GK5: variants seen among roughly 807,000 people sequenced by gnomAD.
GK5 encodes ATP:glycerol 3-phosphotransferase 5.
In GK5, 39 loss-of-function variants were observed where a neutral mutation model predicts 77.3. The ratio of observed to expected loss-of-function variants is 0.50; its 90% confidence interval spans 0.39 to 0.66. GK5 has a LOEUF of 0.66. Among genes scored for constraint, GK5 ranks in the 30% least tolerant of loss-of-function variants. The probability of loss-of-function intolerance (pLI) is 0.00; values close to 1 mark genes in which losing one functional copy is unlikely to be tolerated. For synonymous variants in GK5, 211 were observed against 208.0 expected (o/e 1.01, Z -0.13); for missense variants, 487 against 633.8 (o/e 0.77, Z 2.49).
At chr3:142,216,017 T>C (rs752575944) in intron 1 of GK5, among the ~76,000 whole-genome samples, 6 of 152,146 alleles carry the variant, frequency 3.9e-5, no homozygotes, top group Non-Finnish European at 7.4e-5. Flanking sequence ...AAAAGTGAAT[T>C]CCAGTTCAGA....
intron 1 of GK5, among the ~76,000 whole-genome samples, chr3:142,217,454 C>G (rs2064288845): frequency 6.6e-6 from 1 of 151,702 alleles, no homozygotes; most frequent in Non-Finnish European, 1.5e-5. Flanking sequence ...TGAAGATAGA[C>G]CAATAGAAAT....
chr3:142,170,567 C>A, intron 14 of GK5, 109 bp from the exon 15 acceptor site: 2 of 882,078 alleles, frequency 2.3e-6, no homozygotes, highest in Non-Finnish European at 3.4e-6. Context: ...ATAAATTTTA[C>A]TTTTTAATTC....
chr3:142,170,183 G>A, intron 15 of GK5, 142 bp downstream of exon 15: 1 of 850,504 alleles, frequency 1.2e-6, no homozygotes, highest in Non-Finnish European at 2.0e-6. Flanking sequence ...GATATTTTGT[G>A]AGTAATATGC....
intron 5 of GK5, among the ~76,000 whole-genome samples, chr3:142,193,283 T>C (rs953646932): frequency 3.9e-5 from 6 of 152,140 alleles, no homozygotes; most frequent in Non-Finnish European, 8.8e-5. Flanking sequence ...AACAAAGGAC[T>C]GAGGTACTTC....
At chr3:142,187,624 A>T in intron 6 of GK5, 80 bp downstream of exon 6, 3 of 1,006,900 alleles carry the variant, frequency 3.0e-6, no homozygotes, top group Non-Finnish European at 4.5e-6. Flanking sequence ...AAAAAAAAGT[A>T]ACTTCTACTT....
intron 3 of GK5, among the ~76,000 whole-genome samples, chr3:142,212,859 G>T (rs1463347179): frequency 1.0e-4 from 2 of 19,874 alleles, no homozygotes; most frequent in Non-Finnish European, 2.0e-4. Flanking sequence ...TTTTTGAGAC[G>T]GAGTCTCGCT....
chr3:142,169,728 G>C (rs988034121), intron 15 of GK5, among the ~76,000 whole-genome samples: 2 of 143,820 alleles, frequency 1.4e-5, no homozygotes, highest in African/African-American at 2.6e-5. Flanking sequence ...ATGGAATGCA[G>C]TGGCACCATC....
intron 3 of GK5, among the ~76,000 whole-genome samples, chr3:142,211,756 T>C (rs965139975): frequency 1.3e-5 from 2 of 152,208 alleles, no homozygotes; most frequent in Non-Finnish European, 2.9e-5. Flanking sequence ...ATCGTGCCAC[T>C]GCACTCCAGC....
chr3:142,164,620 G>C lies in GK5; in HGVS notation c.*1002C>G, dbSNP rs1350726562. ...AGCTGTCCCCCACACATACTCACAG[G>C]GATGAGTAGACTGAACAAACATCAA... On this transcript the variant is annotated 3_prime_UTR_variant, in exon 16 of 16. Coordinates refer to ENST00000392993, the MANE Select transcript of GK5 (RefSeq NM_001039547.3). The C allele has an allele frequency of 2.6e-5, 4 of 152,068 alleles. No homozygotes were observed. The highest frequency in any genetic ancestry group is 5.9e-5 in the Non-Finnish European group (4 of 68,024). The allele number at this position is 152,068 out of a possible 1,614,324, so 9.4% of individuals were successfully genotyped here.
Position 142,160,440 on chromosome 3 carries a change from C to A in GK5, c.*5182G>T, listed in dbSNP as rs2063417367. 6.6e-6 allele frequency: 1 copy of A among 152,148 alleles called. No individual in the cohort carries two copies. Among genetic ancestry groups the A allele is most frequent in the Admixed American group, 6.5e-5 (1 of 15,272 alleles). The allele number at this position is 152,148 out of a possible 1,614,324, so 9.4% of individuals were successfully genotyped here. A position where few individuals can be genotyped will look rare whatever the true frequency, so the allele number is the denominator to read the frequency against. On this transcript the variant is annotated 3_prime_UTR_variant, in exon 16 of 16. Coordinates refer to ENST00000392993, the MANE Select transcript of GK5 (RefSeq NM_001039547.3). ...AACTCCAGGGTATATCTACATCTCT[C>A]CTCAAATAATTACAAAATTCTTGCA...
chr3:142,203,634 C>T (rs958558324), intron 4 of GK5, among the ~76,000 whole-genome samples: 1 of 151,946 alleles, frequency 6.6e-6, no homozygotes, highest in Non-Finnish European at 1.5e-5. Context: ...ATTAGCTGGG[C>T]GTGGTGGCAT....
At chr3:142,189,813 C>T (rs2063823871) in intron 5 of GK5, among the ~76,000 whole-genome samples, 1 of 152,172 alleles carries the variant, frequency 6.6e-6, no homozygotes, top group African/African-American at 2.4e-5. Flanking sequence ...TTGAGATAAT[C>T]CTGTTAACTG....
chr3:142,214,244 A>G (rs1170210210), intron 2 of GK5, among the ~76,000 whole-genome samples: 1 of 152,198 alleles, frequency 6.6e-6, no homozygotes, highest in African/African-American at 2.4e-5. Context: ...TTGGATCTTA[A>G]TTTAAGCAAT....
chr3:142,166,591 T>A (rs2063474689), intron 15 of GK5, among the ~76,000 whole-genome samples: 1 of 151,922 alleles, frequency 6.6e-6, no homozygotes, highest in East Asian at 1.9e-4. Context: ...TGGAGTAGAG[T>A]GGTGCGATCT....
intron 7 of GK5, 47 bp downstream of exon 7, chr3:142,186,405 A>C: frequency 8.7e-7 from 1 of 1,145,446 alleles, no homozygotes; most frequent in East Asian, 2.6e-5. Flanking sequence ...ATCTATCTAT[A>C]TTACACAAAA....
chr3:142,181,468 C>T lies in GK5; in HGVS notation c.1041G>A (p.Gln347=), dbSNP rs1447738438. ...ATTTAAAAGACAACTTACCTAACTGCTGAGCCCATTTTATGGCAGTACCAG... is the reference window on the plus strand; with the variant it reads ...ATTTAAAAGACAACTTACCTAACTGTTGAGCCCATTTTATGGCAGTACCAG... ...GDTGTAIKWA[Q]QLDLFTDAAE... is the part of the protein sequence containing the mutation. The change falls in exon 11 of 16, where the codon CAG becomes CAA. Residue 347 remains glutamine, a synonymous_variant. Transcript: ENST00000392993. The T allele has an allele frequency of 6.2e-7, 1 of 1,603,532 alleles. No homozygotes were observed. The highest frequency in any genetic ancestry group is 8.5e-7 in the Non-Finnish European group (1 of 1,173,066).
At chr3:142,201,293 C>G (rs888778872) in intron 4 of GK5, among the ~76,000 whole-genome samples, 1 of 152,104 alleles carries the variant, frequency 6.6e-6, no homozygotes, top group African/African-American at 2.4e-5. Context: ...TACAACTCAG[C>G]AACAGAAAGG....
intron 3 of GK5, among the ~76,000 whole-genome samples, chr3:142,213,315 T>C (rs943662384): frequency 6.6e-5 from 10 of 152,234 alleles, no homozygotes; most frequent in African/African-American, 2.4e-4. Flanking sequence ...TTAATGACAG[T>C]TAAGTCTTTT....
intron 3 of GK5, among the ~76,000 whole-genome samples, chr3:142,211,607 C>A (rs1424676854): frequency 6.6e-6 from 1 of 152,172 alleles, no homozygotes; most frequent in Admixed American, 6.5e-5. Flanking sequence ...GTCTAGGCAA[C>A]ATGGTGAGAC....
Sources: allele counts gnomAD v4.1 joint callset (sites outside exome capture counted in the v4.1 genomes callset), GRCh38; gene constraint gnomAD v4.1.1; transcripts MANE v1.5; gene names NCBI Gene and HGNC (gene_info 2026-07-23, HGNC 2026-07-21).